The following ARVCF variants were observed in gnomAD, a reference collection of about 807,000 sequenced individuals.
ARVCF encodes the protein splicing regulator ARVCF.
In ARVCF, 66 loss-of-function variants were observed where a neutral mutation model predicts 90.9. The observed-to-expected ratio is 0.73, with a 90% CI of 0.60 to 0.89. The LOEUF is 0.89. ARVCF is among the 40% of genes least tolerant of loss of function. The pLI is 0.00. For missense variants in ARVCF, 1,469 were observed against 1,382.3 expected (o/e 1.06, Z -1.00); for synonymous variants, 653 against 603.4 (o/e 1.08, Z -1.21).
intron 2 of ARVCF, among the ~76,000 whole-genome samples, chr22:19,999,123 C>T (rs1365677926): frequency 6.6e-6 from 1 of 152,164 alleles, no homozygotes; most frequent in African/African-American, 2.4e-5. Flanking sequence ...GAGGCCAGGC[C>T]ACATTTCCCC....
chr22:19,972,665 T>C lies in ARVCF; in HGVS notation c.2641+72A>G, dbSNP rs2518823. ...TGGGAGGCCTGACTCCTCCTTCACCTTCACCCAAGGGTCAGGCAACTGGGG... is the reference window on the plus strand; with the variant it reads ...TGGGAGGCCTGACTCCTCCTTCACCCTCACCCAAGGGTCAGGCAACTGGGG... On this transcript the variant is annotated intron_variant, in intron 16 of 19. Coordinates refer to ENST00000263207, the MANE Select transcript of ARVCF (RefSeq NM_001670.3). The C allele has an allele frequency of 0.88, 1,304,379 of 1,477,350 alleles. 579,842 individuals are homozygous for C. The highest frequency in any genetic ancestry group is 0.91 in the Middle Eastern group (4,938 of 5,422). 91.5% of individuals were successfully genotyped at this position (1,477,350 alleles called of 1,614,324 possible). A position where few individuals can be genotyped will look rare whatever the true frequency, so the allele number is the denominator to read the frequency against.
At chr22:19,978,408 G>C (rs117577780) in intron 7 of ARVCF, among the ~76,000 whole-genome samples, 1 of 152,246 alleles carries the variant, frequency 6.6e-6, no homozygotes, top group African/African-American at 2.4e-5. Context: ...TGGGTCCCTC[G>C]CCACCCCAAT....
At position 19,981,121 on chromosome 22, in the gene ARVCF, C is replaced by T. The variant is rs1020918319; in HGVS notation, c.896+90G>A. On this transcript the variant is annotated intron_variant, in intron 5 of 19. Coordinates refer to ENST00000263207, the MANE Select transcript of ARVCF (RefSeq NM_001670.3). ...CTAACATGCATGACTAACTCAACTG[C>T]GCCACTTGACAAGTGGGGCACTCTG... 6.4e-6 allele frequency: 9 copies of T among 1,415,866 alleles called. No homozygotes were observed. The African/African-American group carries it at 8.7e-5, about 14-fold the overall frequency. 87.7% of individuals were successfully genotyped at this position (1,415,866 alleles called of 1,614,324 possible). A position where few individuals can be genotyped will look rare whatever the true frequency, so the allele number is the denominator to read the frequency against.
Position 19,990,758 on chromosome 22 carries a change from G to A in ARVCF, c.37C>T (p.Leu13=). 5.1e-6 allele frequency: 8 copies of A among 1,583,660 alleles called. No individual in the cohort carries two copies. Among genetic ancestry groups the A allele is most frequent in the Non-Finnish European group, 6.0e-6 (7 of 1,164,250 alleles). Residue 13 remains leucine (L), a synonymous_variant, in exon 3 of 20, where the codon CTG becomes TTG. Coordinates refer to ENST00000263207, the MANE Select transcript of ARVCF (RefSeq NM_001670.3). ...DCNVHSAASI[L]ASVKEQEARF... The stretch of plus-strand genomic sequence containing the variant: ...GCCTCCTGCTCCTTCACCGAGGCCA[G>A]GATGCTGGCGGCCGAGTGCACATTG...
rs750934045 is a variant in ARVCF at position 19,990,614 on chromosome 22, G to A, written c.181C>T (p.Pro61Ser). Residue 61 changes from proline (P) to serine (S), a missense_variant, in exon 3 of 20, where the codon CCA becomes TCA. Physicochemically the swap from Pro to Ser is moderately conservative, Grantham distance 74. Coordinates refer to ENST00000263207, the MANE Select transcript of ARVCF (RefSeq NM_001670.3). ...SGGMGSGQPL[P>S]MAWQQLVLQE... The stretch of plus-strand genomic sequence containing the variant: ...AGGACCAGCTGTTGCCAGGCCATTG[G>A]CAGGGGCTGCCCACTGCCCATGCCA... 1 of 1,609,592 alleles carries A rather than the reference G, an allele frequency of 6.2e-7. No individual in the cohort carries two copies. The highest frequency in any genetic ancestry group is 1.7e-5 in the Admixed American group (1 of 59,782).
chr22:19,982,332 G>T (rs1486684430), intron 3 of ARVCF, among the ~76,000 whole-genome samples: 1 of 152,180 alleles, frequency 6.6e-6, no homozygotes, highest in East Asian at 1.9e-4. Context: ...ATCCTGGGGG[G>T]ACCCTGGGGC....
rs565218178 is a variant in ARVCF, at chr22:19,982,180, T to G, written c.211-89A>C. ...CCACACACAGCAGCTCTGCCTCAGC[T>G]CATGCTGGCCAGCACACCAGGGTGC... On this transcript the variant is annotated intron_variant, in intron 3 of 19. Coordinates refer to ENST00000263207, the MANE Select transcript of ARVCF (RefSeq NM_001670.3). The G allele has an allele frequency of 2.3e-4, 358 of 1,528,660 alleles. 2 individuals carry two copies. In the East Asian group the frequency reaches 3.3e-3, roughly 14 times the overall value. The allele number at this position is 1,528,660 out of a possible 1,614,324, so 94.7% of individuals were successfully genotyped here.
At chr22:20,007,036 T>TGGGGCC (rs1222200227) in intron 2 of ARVCF, among the ~76,000 whole-genome samples, 1 of 151,268 alleles carries the variant, frequency 6.6e-6, no homozygotes, top group African/African-American at 2.4e-5. Context: ...AGTGGATTGC[T>TGGGGCC]GGGGCCCAGA....
chr22:20,011,376 G>A (rs990284976), intron 1 of ARVCF, among the ~76,000 whole-genome samples: 6 of 152,086 alleles, frequency 3.9e-5, no homozygotes, highest in Non-Finnish European at 4.4e-5. Flanking sequence ...GGGGGACATC[G>A]GTAATGAGAG....
At chr22:19,986,981 G>A (rs992473442) in intron 3 of ARVCF, 4 of 630,344 alleles carry the variant, frequency 6.3e-6, no homozygotes, top group Admixed American at 5.2e-5. Context: ...GCGGCTCCGC[G>A]GAACAAAAGC....
intron 2 of ARVCF, among the ~76,000 whole-genome samples, chr22:19,992,984 C>A (rs750229105): frequency 1.3e-5 from 2 of 152,224 alleles, no homozygotes; most frequent in African/African-American, 2.4e-5. Context: ...CATTGCCGAA[C>A]TTGGCTTGAT....
At chr22:19,994,122 T>C (rs948570784) in intron 2 of ARVCF, among the ~76,000 whole-genome samples, 1 of 150,978 alleles carries the variant, frequency 6.6e-6, no homozygotes, top group Non-Finnish European at 1.5e-5. Context: ...GGGGGATGGA[T>C]GAATGAATGG....
At chr22:19,981,796 T>C in intron 4 of ARVCF, 59 bp from the exon 5 acceptor site, 1 of 1,548,852 alleles carries the variant, frequency 6.5e-7, no homozygotes, top group Non-Finnish European at 8.7e-7. Flanking sequence ...ACTGCTTTGC[T>C]GGGGTCTGGC....
intron 2 of ARVCF, among the ~76,000 whole-genome samples, chr22:20,006,348 C>T (rs1483728052): frequency 4.6e-5 from 7 of 151,560 alleles, no homozygotes; most frequent in African/African-American, 7.3e-5. Context: ...GAGGCCAAGG[C>T]GGGCGGATCA....
At chr22:19,973,503 ACCTCCAGTT>A in intron 13 of ARVCF, 131 bp downstream of exon 13, 2 of 1,415,222 alleles carry the variant, frequency 1.4e-6, no homozygotes, top group Non-Finnish European at 1.9e-6. Context: ...GACTGGAGCT[ACCTCCAGTT>A]GGGACAGCGC....
At position 19,989,059 on chromosome 22, in the gene ARVCF, C is replaced by G. The variant is rs115610628; in HGVS notation, c.210+1526G>C. On this transcript the variant is annotated intron_variant, in intron 3 of 19. Transcript: ENST00000263207. Reference sequence around the variant, plus strand: ...TCCGGTCTGGGAGGGTTGGACTGAGCACACTGGCGCCTGAGAGGCGGCCTC... The same window carrying G: ...TCCGGTCTGGGAGGGTTGGACTGAGGACACTGGCGCCTGAGAGGCGGCCTC... Among the ~76,000 whole-genome samples the G allele has an allele frequency of 7.0e-3, 1,072 of 152,318 alleles. 25 individuals carry two copies. Among genetic ancestry groups the G allele is most frequent in the African/African-American group, 0.025 (1,041 of 41,566 alleles).
chr22:19,985,132 A>T (rs1569170781), intron 3 of ARVCF, among the ~76,000 whole-genome samples: 1 of 151,836 alleles, frequency 6.6e-6, no homozygotes, highest in Non-Finnish European at 1.5e-5. Flanking sequence ...TCCCCTCTGT[A>T]CCCTAGACAT....
chr22:19,989,324 T>C (rs1943939711), intron 3 of ARVCF, among the ~76,000 whole-genome samples: 1 of 152,088 alleles, frequency 6.6e-6, no homozygotes, highest in African/African-American at 2.4e-5. Context: ...CATGCACTGG[T>C]GCTGGGCTGG....
chr22:19,981,773 G>C (rs773749499), intron 4 of ARVCF, 36 bp from the exon 5 acceptor site: 1 of 1,550,306 alleles, frequency 6.5e-7, no homozygotes, highest in Non-Finnish European at 8.7e-7. Flanking sequence ...GGGGTAGCAC[G>C]AGAGGCCTAG....
Sources: gnomAD v4.1 joint callset for allele counts (sites outside exome capture counted in the v4.1 genomes callset) on GRCh38, gnomAD v4.1.1 for gene constraint, MANE v1.5 for transcripts, NCBI Gene and HGNC (gene_info 2026-07-23, HGNC 2026-07-21) for gene names.